MYO1H: variants seen among roughly 807,000 people sequenced by gnomAD.
MYO1H encodes myosin IH.
MYO1H carries 118 observed loss-of-function variants against 149.3 expected under a neutral mutation model. The ratio of observed to expected loss-of-function variants is 0.79; its 90% CI spans 0.68 to 0.92. The LOEUF (loss-of-function observed/expected upper bound fraction) is 0.92. Ranked by LOEUF, MYO1H falls within the 40% of genes least tolerant of loss-of-function variation. The pLI is 0.00. For synonymous variants in MYO1H, 447 were observed against 465.2 expected, an observed-to-expected ratio of 0.96 and a Z score of 0.50; for missense variants, 1,212 against 1,280.7, an observed-to-expected ratio of 0.95 and a Z score of 0.82.
chr12:109,370,589 CAATA>C (rs1160312313), intron 1 of MYO1H, among the ~76,000 whole-genome samples: 1 of 152,146 alleles, frequency 6.6e-6, no homozygotes, highest in Non-Finnish European at 1.5e-5. Flanking sequence ...AGTAAAAACT[CAATA>C]AATAGAAAGG....
rs1048971010 is a variant in MYO1H, at chr12:109,443,046, G to A, written c.2689-468G>A. Among the ~76,000 whole-genome samples the A allele has an allele frequency of 1.5e-4, 10 of 66,954 alleles. 2 individuals are homozygous for A. Among genetic ancestry groups the A allele is most frequent in the African/African-American group, 2.9e-4 (3 of 10,444 alleles). The allele number at this position is 66,954 out of a possible 152,430, so 43.9% of individuals were successfully genotyped here. On this transcript the variant is annotated intron_variant, in intron 27 of 31. Coordinates refer to ENST00000310903, the Ensembl canonical transcript of MYO1H. ...TATATATATGTGTGTGTGTGTGTGTGTATATATGTGTACGTATGTGTGTAT... is the reference window on the plus strand; with the variant it reads ...TATATATATGTGTGTGTGTGTGTGTATATATATGTGTACGTATGTGTGTAT...
intron 1 of MYO1H, among the ~76,000 whole-genome samples, chr12:109,361,614 T>G (rs1868749027): frequency 6.6e-6 from 1 of 152,096 alleles, no homozygotes; most frequent in South Asian, 2.1e-4. Context: ...ATGACCAGCT[T>G]GGCCAACATG....
chr12:109,424,420 C>T (rs1278986613), intron 16 of MYO1H, among the ~76,000 whole-genome samples: 1 of 152,218 alleles, frequency 6.6e-6, no homozygotes, highest in Non-Finnish European at 1.5e-5. Context: ...TCCCCAAGTA[C>T]TGGGATTACA....
At chr12:109,427,480 G>T in exon 19 of MYO1H, 1 of 1,611,632 alleles carries the variant, frequency 6.2e-7, no homozygotes, top group South Asian at 1.1e-5. Flanking sequence ...CAAATTTGAT[G>T]ACTTCCTCAT....
At chr12:109,404,106 T>C (rs771456636) in intron 7 of MYO1H, 26 bp downstream of exon 7, 1 of 1,532,910 alleles carries the variant, frequency 6.5e-7, no homozygotes, top group Admixed American at 1.7e-5. Context: ...GCAGAACTGA[T>C]AGTTCCCCCT....
exon 32 of MYO1H, chr12:109,447,346 A>T: frequency 1.5e-6 from 1 of 689,440 alleles, no homozygotes; most frequent in Non-Finnish European, 2.6e-6. Flanking sequence ...CCAAAGCCTA[A>T]TCCCAGCTCC....
At chr12:109,317,435 T>C in the MYO1H span, among the ~76,000 whole-genome samples, 1 of 152,208 alleles carries the variant, frequency 6.6e-6, no homozygotes, top group Non-Finnish European at 1.5e-5. Context: ...GTTCTCCTAA[T>C]CTCTATTTGA....
chr12:109,367,754 G>A (rs559650167), intron 1 of MYO1H, among the ~76,000 whole-genome samples: 8 of 151,970 alleles, frequency 5.3e-5, no homozygotes, highest in Admixed American at 1.3e-4. Context: ...GGGTTTCACC[G>A]TGTTAGCCAG....
At chr12:109,392,604 C>T (rs1373393923) in intron 2 of MYO1H, among the ~76,000 whole-genome samples, 3 of 151,624 alleles carry the variant, frequency 2.0e-5, no homozygotes, top group Non-Finnish European at 2.9e-5. Flanking sequence ...TGCCTGTAAT[C>T]CCAGCTATGG....
intron 28 of MYO1H, 118 bp downstream of exon 28, chr12:109,443,767 G>A (rs946377085): frequency 2.3e-5 from 25 of 1,076,426 alleles, no homozygotes; most frequent in African/African-American, 3.1e-5. Context: ...CCCCGGGGTA[G>A]TGATGCACAC....
the MYO1H span, among the ~76,000 whole-genome samples, chr12:109,317,652 G>T: frequency 1.3e-5 from 2 of 152,230 alleles, no homozygotes; most frequent in African/African-American, 4.8e-5. Flanking sequence ...GCACCTGAAT[G>T]TCTGTGTCTG....
intron 1 of MYO1H, among the ~76,000 whole-genome samples, chr12:109,370,839 GAC>G (rs1868966006): frequency 6.6e-6 from 1 of 152,182 alleles, no homozygotes; most frequent in African/African-American, 2.4e-5. Flanking sequence ...AGAAGCTGGG[GAC>G]ACACAATGAA....
intron 14 of MYO1H, among the ~76,000 whole-genome samples, chr12:109,412,246 C>G (rs769563406): frequency 7.9e-5 from 12 of 152,284 alleles, no homozygotes; most frequent in Non-Finnish European, 1.2e-4. Context: ...CAGCCTCAAC[C>G]TCCCAGGCTC....
At chr12:109,361,132 G>A (rs954499696) in intron 1 of MYO1H, among the ~76,000 whole-genome samples, 2 of 152,126 alleles carry the variant, frequency 1.3e-5, no homozygotes, top group Admixed American at 6.5e-5. Context: ...TTCTTGGAAG[G>A]AAAATACAAC....
At chr12:109,399,922 T>C (rs989036493) in intron 5 of MYO1H, among the ~76,000 whole-genome samples, 1 of 152,072 alleles carries the variant, frequency 6.6e-6, no homozygotes, top group Non-Finnish European at 1.5e-5. Context: ...CTCTTAAAAA[T>C]TCTAAAATCC....
intron 19 of MYO1H, among the ~76,000 whole-genome samples, chr12:109,428,867 CTT>C (rs1432709864): frequency 9.9e-5 from 15 of 152,126 alleles, no homozygotes; most frequent in Non-Finnish European, 2.9e-5. Flanking sequence ...TCATACATCT[CTT>C]GTCTATTTTT....
At chr12:109,412,356 C>G (rs529721685) in intron 14 of MYO1H, among the ~76,000 whole-genome samples, 10 of 152,280 alleles carry the variant, frequency 6.6e-5, no homozygotes, top group African/African-American at 2.2e-4. Flanking sequence ...CAGGGTTTCA[C>G]CCTGTTGCCC....
chr12:109,436,693 C>T, intron 22 of MYO1H, 137 bp downstream of exon 22: 2 of 617,394 alleles, frequency 3.2e-6, no homozygotes, highest in Non-Finnish European at 2.9e-6. Context: ...GTTCTGGGGC[C>T]TCTTCTCATT....
chr12:109,444,176 T>C, intron 28 of MYO1H, 37 bp from the exon 29 acceptor site: 1 of 1,518,372 alleles, frequency 6.6e-7, no homozygotes, highest in Non-Finnish European at 9.2e-7. Flanking sequence ...TGTCAAGCTC[T>C]CTAGTTCTTG....
Sources: gnomAD v4.1 joint callset for allele counts (sites outside exome capture counted in the v4.1 genomes callset) on GRCh38, gnomAD v4.1.1 for gene constraint, MANE v1.5 for transcripts, NCBI Gene and HGNC (gene_info 2026-07-23, HGNC 2026-07-21) for gene names.